Variants in INTS14 observed in about 807,000 individuals in gnomAD.
INTS14 encodes the protein integrator complex subunit 14.
Under a neutral mutation model 56.9 loss-of-function variants are expected in INTS14, and 27 were observed. The observed-to-expected ratio is 0.47, with a 90% CI of 0.35 to 0.65. INTS14 has a LOEUF of 0.65. Ranked by LOEUF, INTS14 falls within the 30% of genes least tolerant of loss-of-function variation. The pLI is 0.00. For synonymous variants in INTS14, 207 were observed against 236.2 expected (o/e 0.88, Z 1.13); for missense variants, 517 against 632.2 (o/e 0.82, Z 1.95).
Position 65,584,838 on chromosome 15 carries a change from G to C in INTS14, c.1171C>G (p.Leu391Val). 2 of 1,613,396 alleles carry C rather than the reference G, an allele frequency of 1.2e-6. No homozygotes were observed. The highest frequency in any genetic ancestry group is 1.3e-5 in the African/African-American group (1 of 75,000). The change falls in exon 10 of 12, where the codon CTG becomes GTG. Residue 391 changes from leucine to valine, a missense_variant. Physicochemically the swap from Leu to Val is conservative, Grantham distance 32 (BLOSUM62 1). Coordinates refer to ENST00000313182, the MANE Select transcript of INTS14 (RefSeq NM_001394796.1). ...TAACTGCGTTTGTTTTTGGGCTGCA[G>C]GGGGAATGGACTCTTATTGTCATCC... ...GEDDNKSPFP[L>V]QPKNKRSYAQ... is the part of the protein sequence containing the mutation.
chr15:65,606,285 A>G (rs982296658), intron 2 of INTS14, among the ~76,000 whole-genome samples: 1 of 152,080 alleles, frequency 6.6e-6, no homozygotes, highest in African/African-American at 2.4e-5. Context: ...TGAGATAATA[A>G]AAGGAATTAT....
At chr15:65,610,272 T>C (rs896090082) in intron 1 of INTS14, among the ~76,000 whole-genome samples, 4 of 152,062 alleles carry the variant, frequency 2.6e-5, no homozygotes, top group Admixed American at 1.3e-4. Flanking sequence ...AATAGGAGAA[T>C]TGCTTGAACC....
intron 10 of INTS14, among the ~76,000 whole-genome samples, chr15:65,582,236 G>A (rs1280161606): frequency 6.6e-6 from 1 of 152,108 alleles, no homozygotes; most frequent in Non-Finnish European, 1.5e-5. Flanking sequence ...TGACAGAAAC[G>A]AACTTGCCTC....
chr15:65,581,379 CAAAAACAA>C (rs1360848309), intron 11 of INTS14, among the ~76,000 whole-genome samples: 2 of 135,760 alleles, frequency 1.5e-5, no homozygotes, highest in Non-Finnish European at 3.2e-5. Context: ...GACTCTGTCT[CAAAAACAA>C]AAAAACAAAA....
chr15:65,584,942 A>G, intron 9 of INTS14, 54 bp from the exon 10 acceptor site: 2 of 1,449,134 alleles, frequency 1.4e-6, no homozygotes, highest in Non-Finnish European at 9.5e-7. Flanking sequence ...AATCAGTTAC[A>G]TTTCCATTTA....
chr15:65,608,031 T>C (rs959756665), intron 1 of INTS14, among the ~76,000 whole-genome samples: 2 of 152,244 alleles, frequency 1.3e-5, no homozygotes, highest in Non-Finnish European at 2.9e-5. Context: ...GTATTCATTG[T>C]ACATAAACTG....
chr15:65,605,529 A>G (rs1018338016), intron 2 of INTS14, among the ~76,000 whole-genome samples: 6 of 152,240 alleles, frequency 3.9e-5, no homozygotes, highest in African/African-American at 1.2e-4. Flanking sequence ...ACTTTTAAAC[A>G]CATCACAAAA....
At chr15:65,590,675 C>T (rs1027909626) in intron 9 of INTS14, among the ~76,000 whole-genome samples, 2 of 152,208 alleles carry the variant, frequency 1.3e-5, no homozygotes, top group African/African-American at 2.4e-5. Flanking sequence ...TCATCTCCTC[C>T]AGGCTAACTC....
At position 65,579,570 on chromosome 15, in the gene INTS14, T is replaced by C. The variant is rs1478858559; in HGVS notation, c.1395A>G (p.Thr465=). Residue 465 remains threonine, a synonymous_variant, in exon 12 of 12, where the codon ACA becomes ACG. Coordinates refer to ENST00000313182, the MANE Select transcript of INTS14 (RefSeq NM_001394796.1). ...CAGGGTGGGCTGTCTCAGGCAGCAG[T>C]GTGCATTCCCTTTCCAGCATGTCAG... The part of the protein sequence containing the change: ...GVADMLEREC[T]LLPETAHPDA... The C allele has an allele frequency of 3.7e-6, 6 of 1,614,062 alleles. No individual in the cohort carries two copies. The highest frequency in any genetic ancestry group is 2.2e-5 in the East Asian group (1 of 44,894).
intron 9 of INTS14, among the ~76,000 whole-genome samples, chr15:65,589,145 A>C (rs2072934661): frequency 6.6e-6 from 1 of 152,192 alleles, no homozygotes; most frequent in Non-Finnish European, 1.5e-5. Context: ...TCTTTGGTGA[A>C]AACCATCACA....
intron 9 of INTS14, among the ~76,000 whole-genome samples, chr15:65,589,480 T>C (rs1040481358): frequency 3.9e-5 from 6 of 152,226 alleles, no homozygotes; most frequent in African/African-American, 1.2e-4. Flanking sequence ...TTTCTTTGTG[T>C]TGTGAATATT....
chr15:65,600,564 G>C (rs1384627331), intron 3 of INTS14, among the ~76,000 whole-genome samples: 1 of 152,018 alleles, frequency 6.6e-6, no homozygotes, highest in Non-Finnish European at 1.5e-5. Flanking sequence ...GGGAAGTCGA[G>C]GCTACAGTGA....
At chr15:65,595,710 G>GT (rs1173876236) in intron 7 of INTS14, 23 bp downstream of exon 7, 24 of 1,550,130 alleles carry the variant, frequency 1.5e-5, no homozygotes, top group Non-Finnish European at 1.9e-5. Context: ...CGCTTCAGAC[G>GT]TATCAGTGGA....
At chr15:65,596,184 C>T (rs1382465748) in intron 6 of INTS14, among the ~76,000 whole-genome samples, 1 of 152,208 alleles carries the variant, frequency 6.6e-6, no homozygotes, top group Non-Finnish European at 1.5e-5. Context: ...AGCAACTACA[C>T]TCAGCCTTTG....
At chr15:65,594,709 C>T (rs190195145) in intron 7 of INTS14, among the ~76,000 whole-genome samples, 48 of 151,934 alleles carry the variant, frequency 3.2e-4, no homozygotes, top group African/African-American at 1.2e-3. Context: ...GCCACCTTCC[C>T]GTATTTTTCT....
chr15:65,591,756 C>G, intron 8 of INTS14, 25 bp from the exon 9 acceptor site: 2 of 1,612,016 alleles, frequency 1.2e-6, no homozygotes, highest in Non-Finnish European at 1.7e-6. Context: ...GACGGAAGAT[C>G]AGAAGAACAT....
Position 65,579,474 on chromosome 15 carries a change from G to C in INTS14, c.1491C>G (p.Ala497=), listed in dbSNP as rs781181850. 6.2e-7 allele frequency: 1 copy of C among 1,614,096 alleles called. No homozygotes were observed. Among genetic ancestry groups the C allele is most frequent in the African/African-American group, 1.3e-5 (1 of 74,926 alleles). The change falls in exon 12 of 12, where the codon GCC becomes GCG. Residue 497 remains alanine, a synonymous_variant. Transcript: ENST00000313182. Reference sequence around the variant, plus strand: ...AAGGTGTGATGTTCTGGTCATAAGCGGCATACTCAGAGGTGCCGGTACTGG... The same window carrying C: ...AAGGTGTGATGTTCTGGTCATAAGCCGCATACTCAGAGGTGCCGGTACTGG... The part of the protein sequence containing the change: ...KLASTGTSEY[A]AYDQNITPLH...
chr15:65,592,641 C>T (rs1034256297), intron 8 of INTS14, among the ~76,000 whole-genome samples: 2 of 152,158 alleles, frequency 1.3e-5, no homozygotes, highest in Non-Finnish European at 2.9e-5. Context: ...ATGCTGATAC[C>T]TCCCATATAG....
chr15:65,608,584 C>T (rs2073741281), intron 1 of INTS14, among the ~76,000 whole-genome samples: 2 of 152,062 alleles, frequency 1.3e-5, no homozygotes, highest in Non-Finnish European at 2.9e-5. Context: ...AAACTGTAGG[C>T]TACTGACATG....
Sources: allele counts gnomAD v4.1 joint callset (sites outside exome capture counted in the v4.1 genomes callset), GRCh38; gene constraint gnomAD v4.1.1; transcripts MANE v1.5; gene names NCBI Gene and HGNC (gene_info 2026-07-23, HGNC 2026-07-21).